SETD5: variants seen among roughly 807,000 people sequenced by gnomAD.
SETD5 encodes SET domain containing 5.
SETD5 carries 44 observed loss-of-function variants against 153.3 expected under a neutral mutation model. The ratio of observed to expected loss-of-function variants is 0.29; its 90% confidence interval spans 0.23 to 0.37. The LOEUF is 0.37. Ranked by LOEUF, SETD5 falls within the 10% of genes least tolerant of loss-of-function variation. The probability of loss-of-function intolerance (pLI) is 1.00; values close to 1 mark genes in which losing one functional copy is unlikely to be tolerated. For missense variants in SETD5, 1,544 were observed against 1,768.0 expected, an observed-to-expected ratio of 0.87 and a Z score of 2.27; for synonymous variants, 716 against 645.2, an observed-to-expected ratio of 1.11 and a Z score of -1.66.
intron 1 of SETD5, among the ~76,000 whole-genome samples, chr3:9,401,359 T>C (rs1272678585): frequency 6.6e-6 from 1 of 152,248 alleles, no homozygotes; most frequent in Non-Finnish European, 1.5e-5. Flanking sequence ...GCTTTTACAC[T>C]CGAATTTCCT....
At chr3:9,454,905 T>C (rs1171878161) in intron 17 of SETD5, among the ~76,000 whole-genome samples, 1 of 151,946 alleles carries the variant, frequency 6.6e-6, no homozygotes, top group African/African-American at 2.4e-5. Context: ...ACAATCAAAA[T>C]ACCAAAGTAA....
Position 9,474,453 on chromosome 3 carries a change from G to T in SETD5, c.3502G>T (p.Val1168Phe). 6.2e-7 allele frequency: 1 copy of T among 1,613,762 alleles called. No individual in the cohort carries two copies. The highest frequency in any genetic ancestry group is 8.5e-7 in the Non-Finnish European group (1 of 1,179,798). Residue 1168 changes from valine to phenylalanine, a missense_variant, in exon 21 of 23, where the codon GTT (valine) becomes TTT (phenylalanine). Around this residue, in one of 9 missense-constraint regions of SETD5, gnomAD observed 38 missense variants for 71.4 expected, o/e 0.53. Transcript: ENST00000402198. ...TGCACCCTGTTGCCTTTACAGGATG[G>T]TTCCCACATCAGTAGAACGACTCCG... ...PQENISSRWM[V>F]PTSVERLREG...
intron 1 of SETD5, among the ~76,000 whole-genome samples, chr3:9,408,858 A>G (rs1055320049): frequency 4.6e-5 from 7 of 152,172 alleles, no homozygotes; most frequent in African/African-American, 1.7e-4. Flanking sequence ...ACTGAGAAAA[A>G]TTTTAAGTTA....
intron 1 of SETD5, among the ~76,000 whole-genome samples, chr3:9,401,625 C>G (rs969779759): frequency 6.6e-5 from 10 of 152,076 alleles, no homozygotes; most frequent in African/African-American, 1.4e-4. Context: ...TTGCTTTATC[C>G]TCTCCATGTT....
rs145698132 is a variant in SETD5 at position 9,401,124 on chromosome 3, A to G, written c.-177+3147A>G. Among the ~76,000 whole-genome samples the G allele has an allele frequency of 9.4e-4, 143 of 152,350 alleles. 1 individual carries two copies. The highest frequency in any genetic ancestry group is 1.2e-4 in the Non-Finnish European group (8 of 68,024). ...TGGAAATGAGTTTTGTCATTCACAA[A>G]TGTGGCTCACATTGTTTTCCCAGTA... On this transcript the variant is annotated intron_variant, in intron 1 of 22. Coordinates refer to ENST00000402198, the MANE Select transcript of SETD5 (RefSeq NM_001080517.3).
chr3:9,412,387 G>GTTGT (rs2036703871), intron 1 of SETD5, among the ~76,000 whole-genome samples: 1 of 89,536 alleles, frequency 1.1e-5, no homozygotes, highest in Non-Finnish European at 2.3e-5. Context: ...ACAGTTTTGG[G>GTTGT]TTTTTTTTTT....
At chr3:9,405,923 A>G (rs1399666727) in intron 1 of SETD5, among the ~76,000 whole-genome samples, 1 of 152,178 alleles carries the variant, frequency 6.6e-6, no homozygotes, top group African/African-American at 2.4e-5. Flanking sequence ...AACACATACA[A>G]TTTGTACTTT....
chr3:9,414,660 T>C (rs1411478887), intron 1 of SETD5, among the ~76,000 whole-genome samples: 2 of 152,176 alleles, frequency 1.3e-5, no homozygotes, highest in East Asian at 1.9e-4. Flanking sequence ...TAGTTCTCCG[T>C]AGTGTATTTT....
In SETD5 at chr3:9,443,311, C is replaced by T. The variant is rs2125212001; in HGVS notation, c.1081C>T (p.Arg361Ter). The change falls in exon 11 of 23, where the codon CGA becomes TGA. Residue 361 changes from arginine (R) to a stop codon, truncating the protein, a stop_gained. Transcript: ENST00000402198. LOFTEE classifies it high-confidence loss of function. ...AACCAGAAGCCTTTTCACACAGGTG[C>T]GACACATGATTGCAGATGGGATGAT... ...RRSCTPNAEV[R>*]HMIADGMIHL... 1 of 1,549,864 alleles carries T rather than the reference C, an allele frequency of 6.5e-7. No homozygotes were observed. Among genetic ancestry groups the T allele is most frequent in the Non-Finnish European group, 8.7e-7 (1 of 1,147,064 alleles).
chr3:9,428,763 TGAA>T (rs1267594395), intron 2 of SETD5, 57 bp from the exon 3 acceptor site: 5 of 437,798 alleles, frequency 1.1e-5, no homozygotes, highest in Admixed American at 3.9e-5. Flanking sequence ...AAGATAAACT[TGAA>T]GAACTATCTG....
At chr3:9,472,820 T>TTAAAA (rs2045460779) in intron 19 of SETD5, among the ~76,000 whole-genome samples, 4 of 152,080 alleles carry the variant, frequency 2.6e-5, no homozygotes, top group Non-Finnish European at 5.9e-5. Context: ...CAGCCATCAG[T>TTAAAA]CACCTGGGAG....
chr3:9,454,638 A>AAAAAAAAC (rs2043009554), intron 17 of SETD5, among the ~76,000 whole-genome samples: 1 of 148,546 alleles, frequency 6.7e-6, no homozygotes, highest in Non-Finnish European at 1.5e-5. Context: ...AAAAAAAAAA[A>AAAAAAAAC]AAAAAAAAAA....
chr3:9,415,082 GAGAC>G (rs2037214068), intron 1 of SETD5, among the ~76,000 whole-genome samples: 1 of 152,146 alleles, frequency 6.6e-6, no homozygotes, highest in African/African-American at 2.4e-5. Flanking sequence ...ATGATTAAAA[GAGAC>G]AGTAACATAA....
intron 19 of SETD5, 71 bp from the exon 20 acceptor site, chr3:9,473,165 T>C (rs924058919): frequency 1.3e-6 from 2 of 1,504,368 alleles, no homozygotes; most frequent in East Asian, 2.3e-5. Context: ...CTTCTTTCCC[T>C]GTTGCTGGTG....
In SETD5 at chr3:9,441,578, T is replaced by C; in HGVS notation, c.811-15T>C. On this transcript the variant is annotated splice_polypyrimidine_tract_variant and intron_variant, in intron 8 of 22. Coordinates refer to ENST00000402198, the MANE Select transcript of SETD5 (RefSeq NM_001080517.3). ...TCTTGCTGTTGTTTAATGTTATTGC[T>C]CTGGTTTTATTCAGTTACAGCTGGG... 1 of 1,613,386 alleles carries C rather than the reference T, an allele frequency of 6.2e-7. No individual in the cohort carries two copies. Among genetic ancestry groups the C allele is most frequent in the Non-Finnish European group, 8.5e-7 (1 of 1,179,392 alleles).
chr3:9,416,564 AG>A (rs375281640), intron 1 of SETD5, among the ~76,000 whole-genome samples: 382 of 152,346 alleles, frequency 2.5e-3, no homozygotes, highest in African/African-American at 7.0e-3. Flanking sequence ...AATAACCACA[AG>A]TGTATAATTG....
rs770427830 is a variant in SETD5, at chr3:9,445,176, C to G, written c.1316C>G (p.Thr439Ser). Reference sequence around the variant, plus strand: ...AGCCTACCCACCATTGGAGCAGAGACTAGACGTAGAAAAGCACGACGGAAA... The same window carrying G: ...AGCCTACCCACCATTGGAGCAGAGAGTAGACGTAGAAAAGCACGACGGAAA... ...PPSLPTIGAE[T>S]RRRKARRKEL... is the part of the protein sequence containing the mutation. The change falls in exon 12 of 23, where the codon ACT becomes AGT. Residue 439 changes from threonine (T) to serine (S), a missense_variant. Transcript: ENST00000402198. 4 of 1,613,976 alleles carry G rather than the reference C, an allele frequency of 2.5e-6. No individual in the cohort carries two copies. The highest frequency in any genetic ancestry group is 3.4e-6 in the Non-Finnish European group (4 of 1,179,874).
At chr3:9,466,410 T>C (rs2044591315) in intron 18 of SETD5, among the ~76,000 whole-genome samples, 1 of 151,828 alleles carries the variant, frequency 6.6e-6, no homozygotes, top group African/African-American at 2.4e-5. Context: ...ACACTGCAAA[T>C]ATAAAGTGGT....
At chr3:9,423,189 A>G (rs2038670395) in intron 1 of SETD5, 2 of 152,272 alleles carry the variant, frequency 1.3e-5, no homozygotes, top group African/African-American at 2.4e-5. Flanking sequence ...CAAGTCATAT[A>G]GAGAAGAGAC....
Sources: allele counts gnomAD v4.1 joint callset (sites outside exome capture counted in the v4.1 genomes callset), GRCh38; gene constraint gnomAD v4.1.1; regional missense constraint gnomAD v4.1.1; transcripts MANE v1.5; gene names NCBI Gene and HGNC (gene_info 2026-07-23, HGNC 2026-07-21).